The following ZSCAN31 variants were observed in gnomAD, a reference collection of about 807,000 sequenced individuals.
ZSCAN31 encodes the protein zinc finger and SCAN domain-containing protein 31.
ZSCAN31 carries 14 observed loss-of-function variants against 22.5 expected under a neutral mutation model. The ratio of observed to expected loss-of-function variants is 0.62; its 90% CI spans 0.41 to 0.97. ZSCAN31 has a LOEUF of 0.97. ZSCAN31 is among the 50% of genes least tolerant of loss of function. The pLI, the probability that ZSCAN31 is intolerant of heterozygous loss-of-function variation, is 0.00. For synonymous variants in ZSCAN31, 168 were observed against 169.8 expected, an observed-to-expected ratio of 0.99 and a Z score of 0.08; for missense variants, 424 against 483.4, an observed-to-expected ratio of 0.88 and a Z score of 1.15.
At chr6:28,341,199 A>G (rs1764397781) in intron 3 of ZSCAN31, among the ~76,000 whole-genome samples, 1 of 152,218 alleles carries the variant, frequency 6.6e-6, no homozygotes, top group African/African-American at 2.4e-5. Context: ...TCAAATCCAA[A>G]ACAGCTACAT....
Position 28,326,479 on chromosome 6 carries a change from G to T in ZSCAN31, c.908C>A (p.Ala303Asp), listed in dbSNP as rs775288532. 1.5e-4 allele frequency: 238 copies of T among 1,613,942 alleles called. No individual in the cohort carries two copies. The highest frequency in any genetic ancestry group is 1.9e-4 in the Non-Finnish European group (224 of 1,179,998). Residue 303 changes from alanine (A) to aspartate (D), a missense_variant, in exon 4 of 4, where the codon GCC becomes GAC. By Grantham distance (126) the Ala-to-Asp change is moderately radical. Transcript: ENST00000344279. Reference sequence around the variant, plus strand: ...AGTGAGGCCATTGCTGGCACTGAAGGCTTTCCCACACTCCTTACATTGATA... The same window carrying T: ...AGTGAGGCCATTGCTGGCACTGAAGTCTTTCCCACACTCCTTACATTGATA... ...KPYQCKECGK[A>D]FSASNGLTRH...
At chr6:28,328,949 T>C (rs1298574418) in intron 2 of ZSCAN31, among the ~76,000 whole-genome samples, 6 of 152,146 alleles carry the variant, frequency 3.9e-5, no homozygotes, top group Admixed American at 2.0e-4. Context: ...GCTTTTTCCT[T>C]TCTCTCTCTT....
intron 2 of ZSCAN31, among the ~76,000 whole-genome samples, chr6:28,348,533 T>A (rs1029020979): frequency 2.0e-5 from 3 of 152,184 alleles, no homozygotes; most frequent in African/African-American, 7.2e-5. Flanking sequence ...ATTTCCACCA[T>A]ATATCAAGCA....
At position 28,347,657 on chromosome 6, in the gene ZSCAN31, C is replaced by T. The variant is rs917302467; in HGVS notation, c.-370-5865G>A. Among the ~76,000 whole-genome samples the T allele has an allele frequency of 7.9e-5, 12 of 152,090 alleles. No individual in the cohort carries two copies. The highest frequency in any genetic ancestry group is 2.7e-4 in the African/African-American group (11 of 41,416). On this transcript the variant is annotated intron_variant, in intron 2 of 7. Transcript: ENST00000396838. The surrounding 1 kb of genome is among the most constrained non-coding windows in gnomAD (Gnocchi z 5.2). Reference sequence around the variant, plus strand: ...ACAGGGGTCTTTACCTTTTATTGCCCTTGTTATATCCTGAGCATCTAAAGC... The same window carrying T: ...ACAGGGGTCTTTACCTTTTATTGCCTTTGTTATATCCTGAGCATCTAAAGC...
In ZSCAN31 at chr6:28,326,826, C is replaced by T. The variant is rs778007507; in HGVS notation, c.561G>A (p.Glu187=). 1.2e-5 allele frequency: 20 copies of T among 1,612,040 alleles called. No individual in the cohort carries two copies. The South Asian group carries it at 2.1e-4, about 17-fold the overall frequency. ...TTAAGATTTCTTGCTTTGATGCCAA[C>T]TCCTGGTTCTCAGGTATACTTTCAC... The part of the protein sequence containing the change: ...QDGESIPENQ[E]LASKQEILKE... Residue 187 remains glutamate (E), a synonymous_variant, in exon 4 of 4, where the codon GAG becomes GAA. Coordinates refer to ENST00000344279, the MANE Select transcript of ZSCAN31 (RefSeq NM_030899.5).
intron 2 of ZSCAN31, 125 bp downstream of exon 2, chr6:28,329,178 G>A (rs1763547122): frequency 2.5e-6 from 3 of 1,213,552 alleles, no homozygotes; most frequent in Non-Finnish European, 3.4e-6. Context: ...GGCCATTAAG[G>A]TTTAGGGGTA....
At chr6:28,350,106 G>GTGTGTGTGTGTT (rs1224872505) in intron 2 of ZSCAN31, 1 of 152,478 alleles carries the variant, frequency 6.6e-6, no homozygotes, top group Non-Finnish European at 1.5e-5. Flanking sequence ...GTGTGTGTGT[G>GTGTGTGTGTGTT]TGTGTTTGTG....
chr6:28,329,302 C>T lies in ZSCAN31; in HGVS notation c.381+1G>A, dbSNP rs760784397. 26 of 1,569,534 alleles carry T rather than the reference C, an allele frequency of 1.7e-5. No individual in the cohort carries two copies. The highest frequency in any genetic ancestry group is 1.2e-4 in the Admixed American group (6 of 51,114). On this transcript the variant is annotated splice_donor_variant, in intron 2 of 3. Transcript: ENST00000344279. LOFTEE classifies it high-confidence loss of function. ...CTAGAAGTCCATCTTTCTCCTCTCA[C>T]CTGGTTCCCTGGCTCACTAAGCTCT...
At chr6:28,327,556 G>A in intron 2 of ZSCAN31, 23 bp from the exon 3 acceptor site, 4 of 1,608,330 alleles carry the variant, frequency 2.5e-6, no homozygotes, top group Non-Finnish European at 3.4e-6. Flanking sequence ...AGGCATATTT[G>A]GTTAAAGAGG....
intron 1 of ZSCAN31, among the ~76,000 whole-genome samples, chr6:28,334,427 A>G (rs1456156633): frequency 6.6e-6 from 1 of 152,272 alleles, no homozygotes; most frequent in African/African-American, 2.4e-5. Context: ...GAAAGAGCAT[A>G]AAAGAGAATG....
intron 2 of ZSCAN31, among the ~76,000 whole-genome samples, chr6:28,342,527 A>G (rs1457315631): frequency 6.6e-6 from 1 of 152,236 alleles, no homozygotes; most frequent in Non-Finnish European, 1.5e-5. Flanking sequence ...AGTAGGACCT[A>G]GCCAACATGT....
intron 2 of ZSCAN31, among the ~76,000 whole-genome samples, chr6:28,345,155 A>AAAAAAG (rs1176076207): frequency 1.3e-5 from 2 of 148,666 alleles, no homozygotes; most frequent in African/African-American, 2.5e-5. Context: ...AAAAAAAAAA[A>AAAAAAG]AAAAAGAAAA....
upstream of ZSCAN31, among the ~76,000 whole-genome samples, chr6:28,340,830 T>C (rs896174013): frequency 2.0e-5 from 3 of 152,358 alleles, no homozygotes; most frequent in South Asian, 2.1e-4. Context: ...CTTAATTCCT[T>C]CTTGTAGATC....
At chr6:28,334,765 G>C (rs1201336638) in intron 1 of ZSCAN31, among the ~76,000 whole-genome samples, 2 of 152,164 alleles carry the variant, frequency 1.3e-5, no homozygotes, top group Middle Eastern at 3.2e-3. Context: ...GTACAAACAG[G>C]TATAAAAGAC....
intron 3 of ZSCAN31, among the ~76,000 whole-genome samples, chr6:28,341,275 G>A (rs949862127): frequency 3.3e-5 from 5 of 152,160 alleles, no homozygotes; most frequent in Non-Finnish European, 7.3e-5. Flanking sequence ...CTTAAACTGA[G>A]TAATTTATAA....
At chr6:28,343,542 CTTTTTTTT>C (rs34131321) in intron 2 of ZSCAN31, among the ~76,000 whole-genome samples, 1 of 105,876 alleles carries the variant, frequency 9.4e-6, no homozygotes, top group Admixed American at 1.1e-4. Context: ...TTTTTTCTTT[CTTTTTTTT>C]TTTTTTTTTT....
Position 28,326,649 on chromosome 6 carries a change from T to C in ZSCAN31, c.738A>G (p.Lys246=). ...TGAGTACTGAACTCTTAGTGAAGCTTTTCCCACATTCATTGCACCTGTGGC... is the reference window on the plus strand; with the variant it reads ...TGAGTACTGAACTCTTAGTGAAGCTCTTCCCACATTCATTGCACCTGTGGC... ...ERRHRCNECG[K]SFTKSSVLIE... is the part of the protein sequence containing the mutation. Residue 246 remains lysine, a synonymous_variant, in exon 4 of 4, where the codon AAA becomes AAG. Transcript: ENST00000344279. 1 of 1,614,210 alleles carries C rather than the reference T, an allele frequency of 6.2e-7. No individual in the cohort carries two copies. Among genetic ancestry groups the C allele is most frequent in the Non-Finnish European group, 8.5e-7 (1 of 1,180,034 alleles).
At chr6:28,345,126 C>T (rs184739228) in intron 2 of ZSCAN31, among the ~76,000 whole-genome samples, 47 of 133,220 alleles carry the variant, frequency 3.5e-4, no homozygotes, top group Admixed American at 2.8e-3. Flanking sequence ...ACCCAGGCAA[C>T]GCAGTGAAAC....
At chr6:28,343,671 G>A (rs767482438) in intron 2 of ZSCAN31, among the ~76,000 whole-genome samples, 4 of 150,072 alleles carry the variant, frequency 2.7e-5, no homozygotes, top group South Asian at 2.1e-4. Flanking sequence ...GACTACAGGC[G>A]CCCACCACCA....
Sources: allele counts gnomAD v4.1 joint callset (sites outside exome capture counted in the v4.1 genomes callset), GRCh38; gene constraint gnomAD v4.1.1; non-coding constraint Gnocchi (gnomAD v3.1); transcripts MANE v1.5; gene names NCBI Gene and HGNC (gene_info 2026-07-23, HGNC 2026-07-21).